The following IQSEC1 variants were observed in gnomAD, a reference collection of about 807,000 sequenced individuals.
The protein encoded by IQSEC1 is IQ motif and SEC7 domain-containing protein 1.
In IQSEC1, 31 loss-of-function variants were observed where a neutral mutation model predicts 91.0. The observed-to-expected ratio is 0.34, with a 90% CI of 0.26 to 0.46. IQSEC1 has a LOEUF of 0.46. Among genes scored for constraint, IQSEC1 ranks in the 20% least tolerant of loss-of-function variants. The probability of loss-of-function intolerance (pLI) is 1.00; values close to 1 mark genes in which losing one functional copy is unlikely to be tolerated. For synonymous variants in IQSEC1, 699 were observed against 662.6 expected (o/e 1.05, Z -0.84); for missense variants, 1,388 against 1,575.6 (o/e 0.88, Z 2.02).
intron 12 of IQSEC1, among the ~76,000 whole-genome samples, chr3:12,906,215 A>T (rs2125047641): frequency 6.6e-6 from 1 of 152,322 alleles, no homozygotes; most frequent in South Asian, 2.1e-4. Context: ...GTGACGTGTC[A>T]AACATGGAGG....
chr3:13,190,556 A>AAAAAAAAAAAAAAC (rs761116700), intron 1 of IQSEC1, among the ~76,000 whole-genome samples: 1,365 of 28,268 alleles, frequency 0.048, 19 homozygotes, highest in African/African-American at 0.13. Context: ...ACCCTGTCTC[A>AAAAAAAAAAAAAAC]AAAAAAAAAA....
intron 1 of IQSEC1, among the ~76,000 whole-genome samples, chr3:13,266,474 G>C (rs1695491591): frequency 6.6e-6 from 1 of 152,170 alleles, no homozygotes; most frequent in South Asian, 2.1e-4. Context: ...GGCCCCTGAG[G>C]CCCAGACCCT....
intron 1 of IQSEC1, among the ~76,000 whole-genome samples, chr3:13,240,149 C>A (rs1355380430): frequency 6.6e-6 from 1 of 152,066 alleles, no homozygotes. Flanking sequence ...GAAGCTGAGG[C>A]GGGAGGATCA....
chr3:12,989,335 C>G (rs1448462584), intron 1 of IQSEC1, among the ~76,000 whole-genome samples: 3 of 152,176 alleles, frequency 2.0e-5, no homozygotes, highest in African/African-American at 2.4e-5. Context: ...TTTGCACTTT[C>G]AGATCCTAGA....
intron 1 of IQSEC1, among the ~76,000 whole-genome samples, chr3:13,041,405 C>G (rs1704262615): frequency 6.6e-6 from 1 of 152,184 alleles, no homozygotes; most frequent in Non-Finnish European, 1.5e-5. Context: ...TTGGAGAAAG[C>G]CCACTGGAAG....
In IQSEC1 at chr3:13,214,887, G is replaced by A. The variant is rs550360490; in HGVS notation, c.273-50754C>T. 6.6e-6 allele frequency among the ~76,000 whole-genome samples: 1 copy of A among 152,358 alleles called. No homozygotes were observed. Among genetic ancestry groups the A allele is most frequent in the African/African-American group, 2.4e-5 (1 of 41,576 alleles). ...GCCAGGACCGACGTCGGGCTCTGCT[G>A]AGCACTAGCCGAATGAACAGGCACC... On this transcript the variant is annotated intron_variant, in intron 1 of 15. Coordinates refer to the IQSEC1 transcript ENST00000648114. The surrounding 1 kb of genome is among the most constrained non-coding windows in gnomAD (Gnocchi z 4.5).
At chr3:13,093,672 G>A (rs780060398) in intron 2 of IQSEC1, among the ~76,000 whole-genome samples, 7 of 152,306 alleles carry the variant, frequency 4.6e-5, no homozygotes, top group Non-Finnish European at 7.4e-5. Flanking sequence ...GACACAAGAC[G>A]CATGCAGCTA....
chr3:13,038,361 G>A (rs1704123945), intron 1 of IQSEC1, among the ~76,000 whole-genome samples: 2 of 148,086 alleles, frequency 1.4e-5, no homozygotes, highest in Admixed American at 6.9e-5. Flanking sequence ...GATGGAACTG[G>A]AGGTCATGAT....
intron 1 of IQSEC1, chr3:13,015,455 G>GAA (rs1703079326): frequency 1.8e-6 from 1 of 561,894 alleles, no homozygotes; most frequent in Non-Finnish European, 2.3e-6. Context: ...GAGAAACAGT[G>GAA]AAAACTCTGA....
At position 12,967,701 on chromosome 3, in the gene IQSEC1, G is replaced by A; in HGVS notation, c.24-25836C>T. On this transcript the variant is annotated intron_variant, in intron 1 of 13. Transcript: ENST00000613206. The surrounding 1 kb of genome is among the most constrained non-coding windows in gnomAD (Gnocchi z 5.9). The stretch of plus-strand genomic sequence containing the variant: ...CCGCCGCCCGCTTGGCGCAGCGCGA[G>A]GCCGGGCCGGAGGAATGTGGCCCTG... 1 of 1,136,066 alleles carries A rather than the reference G, an allele frequency of 8.8e-7. No individual in the cohort carries two copies. Among genetic ancestry groups the A allele is most frequent in the Middle Eastern group, 3.7e-4 (1 of 2,732 alleles). The allele number at this position is 1,136,066 out of a possible 1,614,324, so 70.4% of individuals were successfully genotyped here. A position where few individuals can be genotyped will look rare whatever the true frequency, so the allele number is the denominator to read the frequency against.
chr3:12,998,385 C>T (rs1365467447), intron 1 of IQSEC1, among the ~76,000 whole-genome samples: 1 of 152,030 alleles, frequency 6.6e-6, no homozygotes, highest in East Asian at 1.9e-4. Flanking sequence ...ACAAAAACAA[C>T]AACAAAAAAG....
At chr3:12,958,413 CTGTT>C (rs1161973033) in intron 1 of IQSEC1, among the ~76,000 whole-genome samples, 1 of 152,190 alleles carries the variant, frequency 6.6e-6, no homozygotes, top group Non-Finnish European at 1.5e-5. Context: ...CTCTCTGTGT[CTGTT>C]TCTCAGTCAT....
At chr3:13,152,521 A>G (rs1307315843) in intron 2 of IQSEC1, among the ~76,000 whole-genome samples, 2 of 152,168 alleles carry the variant, frequency 1.3e-5, no homozygotes, top group African/African-American at 4.8e-5. Context: ...CATCTGCTCT[A>G]TCTCAGTAAA....
rs5846799 is a variant in IQSEC1 at position 13,101,419 on chromosome 3, CA to C, written c.303-53898del. Reference sequence around the variant, plus strand: ...GGGAGACAGGGTGAGATTCCATCTCCAAAAAAAAAAAAAATGCACCCTTCTA... The same window carrying C: ...GGGAGACAGGGTGAGATTCCATCTCCAAAAAAAAAAAAATGCACCCTTCTA... On this transcript the variant is annotated intron_variant, in intron 2 of 15. Coordinates refer to the IQSEC1 transcript ENST00000648114. 2.9e-3 allele frequency among the ~76,000 whole-genome samples: 349 copies of C among 119,296 alleles called. 1 individual carries two copies. The highest frequency in any genetic ancestry group is 4.6e-3 in the East Asian group (21 of 4,600). 78.3% of individuals were successfully genotyped at this position (119,296 alleles called of 152,430 possible).
intron 1 of IQSEC1, among the ~76,000 whole-genome samples, chr3:13,005,409 T>C (rs751282132): frequency 3.9e-5 from 6 of 152,180 alleles, no homozygotes; most frequent in Non-Finnish European, 8.8e-5. Flanking sequence ...GTTACTGGCC[T>C]GCCTGCCCCC....
intron 1 of IQSEC1, among the ~76,000 whole-genome samples, chr3:13,187,146 C>T (rs925430826): frequency 5.9e-5 from 9 of 152,316 alleles, no homozygotes; most frequent in Admixed American, 2.0e-4. Flanking sequence ...AACCATTCAT[C>T]GTCCTACCTC....
chr3:13,061,851 G>A (rs1022216378), intron 1 of IQSEC1, among the ~76,000 whole-genome samples: 3 of 152,168 alleles, frequency 2.0e-5, no homozygotes, highest in African/African-American at 4.8e-5. Flanking sequence ...CCAGTGGTTC[G>A]GGGGGCTGAC....
At chr3:13,019,732 C>G (rs1198483659) in intron 1 of IQSEC1, among the ~76,000 whole-genome samples, 1 of 152,208 alleles carries the variant, frequency 6.6e-6, no homozygotes, top group South Asian at 2.1e-4. Flanking sequence ...GGGACAAACC[C>G]AGTGCCAATT....
chr3:13,146,250 G>C (rs1393220655), intron 2 of IQSEC1, among the ~76,000 whole-genome samples: 1 of 152,012 alleles, frequency 6.6e-6, no homozygotes, highest in Non-Finnish European at 1.5e-5. Flanking sequence ...GCCGCCCAAA[G>C]TTCTGGGATT....
Sources: gnomAD v4.1 joint callset for allele counts (sites outside exome capture counted in the v4.1 genomes callset) on GRCh38, gnomAD v4.1.1 for gene constraint, Gnocchi (gnomAD v3.1) non-coding constraint, MANE v1.5 for transcripts, NCBI Gene and HGNC (gene_info 2026-07-23, HGNC 2026-07-21) for gene names.